MON2: variants seen among roughly 807,000 people sequenced by gnomAD.
MON2 encodes the protein MON2 regulator of endosome-to-Golgi trafficking.
MON2 carries 84 observed loss-of-function variants against 208.6 expected under a neutral mutation model. The ratio of observed to expected loss-of-function variants is 0.40; its 90% CI spans 0.34 to 0.48. The LOEUF (loss-of-function observed/expected upper bound fraction) is 0.48, where lower values mean the gene tolerates loss of function less well. MON2 is among the 20% of genes least tolerant of loss of function. The probability of loss-of-function intolerance (pLI) is 0.59; values close to 1 mark genes in which losing one functional copy is unlikely to be tolerated. For missense variants in MON2, 1,611 were observed against 2,015.4 expected, an observed-to-expected ratio of 0.80 and a Z score of 3.84; for synonymous variants, 660 against 694.0, an observed-to-expected ratio of 0.95 and a Z score of 0.77.
chr12:62,490,194 C>T, intron 2 of MON2: 1 of 147,506 alleles, frequency 6.8e-6, no homozygotes, highest in South Asian at 1.0e-4. Context: ...CAGTGTTACT[C>T]TATTAAAGAG....
rs1420373755 is a variant in MON2, at chr12:62,500,808, A to T, written c.591A>T (p.Val197=). 1.3e-6 allele frequency: 2 copies of T among 1,596,310 alleles called. No individual in the cohort carries two copies. Among genetic ancestry groups the T allele is most frequent in the Non-Finnish European group, 8.5e-7 (1 of 1,171,122 alleles). ...ATATTATAGAACAACCAGTACTGGT[A>T]CAAGGAAATAGTAACAGAAGATCTG... The part of the protein sequence containing the change: ...HRDIIEQPVL[V]QGNSNRRSVS... Residue 197 remains valine (V), a synonymous_variant, in exon 6 of 35, where the codon GTA becomes GTT. Coordinates refer to ENST00000393630, the MANE Select transcript of MON2 (RefSeq NM_015026.3).
At chr12:62,548,905 G>A (rs117350545) in intron 22 of MON2, among the ~76,000 whole-genome samples, 2,759 of 151,992 alleles carry the variant, frequency 0.018, 34 homozygotes, top group Non-Finnish European at 0.03. Flanking sequence ...ATATTTCTTT[G>A]GAGATTTAAA....
In MON2 at chr12:62,521,515, A is replaced by G. The variant is rs554401127; in HGVS notation, c.985-3000A>G. ...ATTGCAGACCACCTGAAATGGTCTC[A>G]GGGACTCCTAAGGGGCCCAGGGACC... On this transcript the variant is annotated intron_variant, in intron 8 of 34. Coordinates refer to ENST00000393630, the MANE Select transcript of MON2 (RefSeq NM_015026.3). 4.1e-4 allele frequency among the ~76,000 whole-genome samples: 62 copies of G among 152,308 alleles called. No individual in the cohort carries two copies. In the South Asian group the frequency reaches 0.012, roughly 31 times the overall value.
intron 1 of MON2, among the ~76,000 whole-genome samples, chr12:62,474,489 A>G (rs2068962033): frequency 6.6e-6 from 1 of 151,562 alleles, no homozygotes; most frequent in African/African-American, 2.4e-5. Context: ...CAGTGGTGCA[A>G]TCTCGGCTCA....
intron 7 of MON2, among the ~76,000 whole-genome samples, chr12:62,505,289 A>G (rs952553753): frequency 2.6e-5 from 4 of 152,194 alleles, no homozygotes; most frequent in African/African-American, 9.7e-5. Context: ...AGTTGGACTT[A>G]TGCATTTCAA....
intron 2 of MON2, among the ~76,000 whole-genome samples, chr12:62,492,660 C>T (rs1227873731): frequency 6.8e-6 from 1 of 146,602 alleles, no homozygotes; most frequent in African/African-American, 2.5e-5. Flanking sequence ...CGTGAGCCAC[C>T]GCGCCCGGCC....
intron 9 of MON2, 62 bp from the exon 10 acceptor site, chr12:62,525,022 A>T: frequency 7.3e-7 from 1 of 1,373,870 alleles, no homozygotes; most frequent in Non-Finnish European, 1.0e-6. Flanking sequence ...TGCTATAAAA[A>T]GGTTTACAGT....
At chr12:62,543,329 T>C (rs1592349385) in intron 20 of MON2, 131 bp downstream of exon 20, 2 of 433,940 alleles carry the variant, frequency 4.6e-6, no homozygotes, top group South Asian at 8.2e-5. Context: ...TACTTACTTA[T>C]GTTTGTACAT....
chr12:62,471,359 T>G (rs1407693697), intron 1 of MON2, among the ~76,000 whole-genome samples: 1 of 152,064 alleles, frequency 6.6e-6, no homozygotes, highest in Non-Finnish European at 1.5e-5. Flanking sequence ...ATTTTTTGTA[T>G]TTTTAATAGA....
At chr12:62,572,526 G>A (rs1032065739) in intron 30 of MON2, among the ~76,000 whole-genome samples, 25 of 152,254 alleles carry the variant, frequency 1.6e-4, no homozygotes, top group African/African-American at 3.9e-4. Flanking sequence ...GCTCACTGCA[G>A]CCTCGACCTC....
chr12:62,502,551 A>G (rs1018762292), intron 7 of MON2, among the ~76,000 whole-genome samples: 9 of 152,168 alleles, frequency 5.9e-5, no homozygotes, highest in African/African-American at 1.9e-4. Context: ...TCTAGAGACA[A>G]TCTATTAATA....
At chr12:62,522,458 T>C (rs1328568829) in intron 8 of MON2, among the ~76,000 whole-genome samples, 1 of 152,206 alleles carries the variant, frequency 6.6e-6, no homozygotes, top group Non-Finnish European at 1.5e-5. Context: ...GATTCTTTAA[T>C]AGATATCTAT....
rs1286934218 is a variant in MON2, at chr12:62,595,223, C to A, written c.*2474C>A. On this transcript the variant is annotated 3_prime_UTR_variant, in exon 35 of 35. Coordinates refer to ENST00000393630, the MANE Select transcript of MON2 (RefSeq NM_015026.3). ...GCAGTGGCACGATCTTGGCTCACTG[C>A]AACCTCTGCTTCCCGGGTTCAAGCA... The A allele has an allele frequency of 6.6e-6, 1 of 151,914 alleles. No individual in the cohort carries two copies. Among genetic ancestry groups the A allele is most frequent in the Non-Finnish European group, 1.5e-5 (1 of 68,030 alleles). 9.4% of individuals were successfully genotyped at this position (151,914 alleles called of 1,614,324 possible).
intron 1 of MON2, among the ~76,000 whole-genome samples, chr12:62,473,374 T>C (rs1356930662): frequency 1.3e-5 from 2 of 152,208 alleles, no homozygotes; most frequent in Non-Finnish European, 2.9e-5. Flanking sequence ...CTCTAACTCC[T>C]CTCCCATTTT....
At chr12:62,508,850 A>G (rs1292129572) in intron 8 of MON2, 1 of 168,940 alleles carries the variant, frequency 5.9e-6, no homozygotes, top group African/African-American at 2.4e-5. Flanking sequence ...AACAGATTAA[A>G]GCAAAGACAT....
At chr12:62,487,796 G>A (rs539786891) in intron 2 of MON2, among the ~76,000 whole-genome samples, 1 of 152,182 alleles carries the variant, frequency 6.6e-6, no homozygotes, top group East Asian at 1.9e-4. Context: ...AATCATTAGA[G>A]GAGATATAAA....
Position 62,525,203 on chromosome 12 carries a change from C to G in MON2, c.1229C>G (p.Ala410Gly). ...CTTGTCCCCCCTACTGGAAATCCTG[C>G]AACAAGCAACCAAGCTGGTAAAAAC... is the stretch of plus-strand genomic sequence containing the variant. The part of the protein sequence containing the change: ...LFLVPPTGNP[A>G]TSNQAGNNNL... Residue 410 changes from alanine (A) to glycine (G), a missense_variant, in exon 10 of 35, where the codon GCA (alanine) becomes GGA (glycine). Coordinates refer to ENST00000393630, the MANE Select transcript of MON2 (RefSeq NM_015026.3). The G allele has an allele frequency of 6.2e-7, 1 of 1,613,334 alleles. No individual in the cohort carries two copies.
At chr12:62,529,693 T>A (rs568761267) in intron 11 of MON2, among the ~76,000 whole-genome samples, 2 of 152,278 alleles carry the variant, frequency 1.3e-5, no homozygotes, top group East Asian at 3.9e-4. Context: ...AGAAACCTCA[T>A]ACCCATTAGC....
intron 1 of MON2, chr12:62,470,848 G>A: frequency 1.7e-6 from 1 of 572,452 alleles, no homozygotes; most frequent in Non-Finnish European, 2.2e-6. Flanking sequence ...TTGAAAGAGA[G>A]TAATATGATC....
Sources: allele counts gnomAD v4.1 joint callset (sites outside exome capture counted in the v4.1 genomes callset), GRCh38; gene constraint gnomAD v4.1.1; transcripts MANE v1.5; gene names NCBI Gene and HGNC (gene_info 2026-07-23, HGNC 2026-07-21).